The following MCTP1 variants were observed in gnomAD, a reference collection of about 807,000 sequenced individuals.
MCTP1 encodes multiple C2 and transmembrane domain containing 1.
A neutral mutation model predicts 120.6 loss-of-function variants in MCTP1; 69 were observed. That is an observed-to-expected ratio of 0.57 (90% CI 0.47 to 0.70). The LOEUF is 0.70. Among genes scored for constraint, MCTP1 ranks in the 30% least tolerant of loss-of-function variants. MCTP1 has a pLI of 0.00. For synonymous variants in MCTP1, 529 were observed against 493.1 expected, an observed-to-expected ratio of 1.07 and a Z score of -0.96; for missense variants, 1,203 against 1,248.8, an observed-to-expected ratio of 0.96 and a Z score of 0.55.
At chr5:94,941,792 T>C (rs1001969601) in intron 4 of MCTP1, among the ~76,000 whole-genome samples, 8 of 151,936 alleles carry the variant, frequency 5.3e-5, no homozygotes, top group African/African-American at 4.8e-5. Flanking sequence ...TTAGTAACAA[T>C]AGTAACTTTG....
intron 1 of MCTP1, among the ~76,000 whole-genome samples, chr5:95,068,247 T>C (rs1751182874): frequency 1.3e-5 from 2 of 152,210 alleles, no homozygotes; most frequent in Admixed American, 6.5e-5. Context: ...CTCTAAGAAA[T>C]ATCCAATGAG....
chr5:94,951,027 A>G (rs902464813), intron 3 of MCTP1, among the ~76,000 whole-genome samples: 6 of 150,816 alleles, frequency 4.0e-5, no homozygotes, highest in Non-Finnish European at 7.4e-5. Flanking sequence ...TGTGCATAGC[A>G]GTCAAGTCAG....
chr5:94,761,532 A>G (rs557255059), intron 19 of MCTP1, among the ~76,000 whole-genome samples: 2 of 152,340 alleles, frequency 1.3e-5, no homozygotes, highest in South Asian at 2.1e-4. Flanking sequence ...CCTTGTTTGT[A>G]TAAATTTTGA....
rs1561916227 is a variant in MCTP1 at position 94,953,834 on chromosome 5, TATATATATACACAACTATATATATGC to T, written c.839-499_839-474del. Among the ~76,000 whole-genome samples, 140 of 44,146 alleles carry T rather than the reference TATATATATACACAACTATATATATGC, an allele frequency of 3.2e-3. 22 individuals carry two copies. Among genetic ancestry groups the T allele is most frequent in the African/African-American group, 0.027 (131 of 4,888 alleles). 29.0% of individuals were successfully genotyped at this position (44,146 alleles called of 152,430 possible). ...ATATATACAAATATATATATACATA[TATATATATACACAACTATATATATGC>T]ATATATATACAAATATATATGCATA... On this transcript the variant is annotated intron_variant, in intron 2 of 22. Transcript: ENST00000515393.
chr5:94,779,029 CTTT>C, intron 19 of MCTP1, 78 bp downstream of exon 19: 1 of 1,318,376 alleles, frequency 7.6e-7, no homozygotes, highest in Non-Finnish European at 1.1e-6. Flanking sequence ...ACTTCAACTC[CTTT>C]TTTAACTGTC....
chr5:95,066,336 A>G (rs1320606555), intron 1 of MCTP1, among the ~76,000 whole-genome samples: 2 of 152,232 alleles, frequency 1.3e-5, no homozygotes, highest in Non-Finnish European at 2.9e-5. Context: ...ATTACCAAAA[A>G]GACAAGAGAT....
intron 1 of MCTP1, among the ~76,000 whole-genome samples, chr5:95,130,718 C>T (rs1006520576): frequency 7.9e-5 from 12 of 152,272 alleles, no homozygotes; most frequent in Admixed American, 6.5e-4. Context: ...CAAATTTCCT[C>T]CTCTTAGAAG....
At chr5:95,106,107 T>A (rs1234281217) in intron 1 of MCTP1, among the ~76,000 whole-genome samples, 2 of 152,250 alleles carry the variant, frequency 1.3e-5, no homozygotes, top group African/African-American at 4.8e-5. Flanking sequence ...ATGGTGATCA[T>A]CTGCTGGTAT....
At chr5:94,909,840 A>G (rs954305926) in intron 9 of MCTP1, among the ~76,000 whole-genome samples, 4 of 152,116 alleles carry the variant, frequency 2.6e-5, no homozygotes, top group Non-Finnish European at 4.4e-5. Flanking sequence ...ACTTGAGTAC[A>G]TGAAAAACAG....
At chr5:95,053,918 A>T (rs923119536) in intron 1 of MCTP1, among the ~76,000 whole-genome samples, 1 of 152,230 alleles carries the variant, frequency 6.6e-6, no homozygotes, top group African/African-American at 2.4e-5. Context: ...GATACAAATC[A>T]TGTGTCTTCT....
chr5:94,712,868 C>T (rs1022581639), intron 20 of MCTP1, among the ~76,000 whole-genome samples: 8 of 151,986 alleles, frequency 5.3e-5, no homozygotes, highest in Admixed American at 5.3e-4. Context: ...GGCACTGGCT[C>T]TTCACTCAGA....
At chr5:95,009,818 C>T (rs183490143) in intron 2 of MCTP1, among the ~76,000 whole-genome samples, 190 of 152,152 alleles carry the variant, frequency 1.2e-3, no homozygotes, top group Non-Finnish European at 2.1e-3. Context: ...AAAGCAAAGA[C>T]AATAAAACTC....
At chr5:95,117,907 G>A (rs1206210572) in intron 1 of MCTP1, among the ~76,000 whole-genome samples, 8 of 152,248 alleles carry the variant, frequency 5.3e-5, no homozygotes, top group South Asian at 2.1e-4. Context: ...GCAAACTAAC[G>A]CAGGAGTAGA....
intron 17 of MCTP1, among the ~76,000 whole-genome samples, chr5:94,823,409 GT>G (rs1299716809): frequency 2.0e-5 from 3 of 152,144 alleles, no homozygotes; most frequent in African/African-American, 7.2e-5. Context: ...CTATATATGT[GT>G]TTTGGTACCA....
At chr5:94,992,918 G>A (rs72777365) in intron 2 of MCTP1, among the ~76,000 whole-genome samples, 2 of 152,126 alleles carry the variant, frequency 1.3e-5, no homozygotes, top group Non-Finnish European at 2.9e-5. Flanking sequence ...TTCTATGACA[G>A]ACTGCTAATA....
chr5:95,129,604 G>C (rs1758883795), intron 1 of MCTP1, among the ~76,000 whole-genome samples: 1 of 152,144 alleles, frequency 6.6e-6, no homozygotes, highest in African/African-American at 2.4e-5. Context: ...GATCAATGTA[G>C]ACAGATTTAT....
At chr5:95,132,412 C>T (rs936040723) in intron 1 of MCTP1, among the ~76,000 whole-genome samples, 1 of 152,190 alleles carries the variant, frequency 6.6e-6, no homozygotes, top group African/African-American at 2.4e-5. Flanking sequence ...CTATCTTTTA[C>T]AAACAACTAT....
intron 1 of MCTP1, among the ~76,000 whole-genome samples, chr5:95,026,453 C>T (rs1034680729): frequency 9.9e-5 from 15 of 152,160 alleles, no homozygotes; most frequent in African/African-American, 3.4e-4. Context: ...CCCCCAACTA[C>T]CCTTCCCACT....
intron 19 of MCTP1, among the ~76,000 whole-genome samples, chr5:94,754,042 C>T (rs1166627356): frequency 6.6e-6 from 1 of 152,070 alleles, no homozygotes; most frequent in African/African-American, 2.4e-5. Context: ...TCTTATTTAC[C>T]TGAGAGAGTT....
Sources: allele counts gnomAD v4.1 joint callset (sites outside exome capture counted in the v4.1 genomes callset), GRCh38; gene constraint gnomAD v4.1.1; transcripts MANE v1.5; gene names NCBI Gene and HGNC (gene_info 2026-07-23, HGNC 2026-07-21).